KIF1B: variants seen among roughly 807,000 people sequenced by gnomAD.
KIF1B encodes the protein kinesin family member 1B, also known as kinesin-like protein KIF1B.
In KIF1B, 76 loss-of-function variants were observed where a neutral mutation model predicts 241.9. The observed-to-expected ratio is 0.31, with a 90% CI of 0.26 to 0.38. KIF1B has a LOEUF of 0.38. KIF1B is among the 10% of genes least tolerant of loss of function. The pLI, the probability that KIF1B is intolerant of heterozygous loss-of-function variation, is 1.00. For missense variants in KIF1B, 1,622 were observed against 2,271.4 expected (o/e 0.71, Z 5.81); for synonymous variants, 750 against 796.7 (o/e 0.94, Z 0.99).
chr1:10,225,895 A>C (rs962660958), intron 1 of KIF1B, among the ~76,000 whole-genome samples: 12 of 152,324 alleles, frequency 7.9e-5, no homozygotes, highest in African/African-American at 2.6e-4. Flanking sequence ...ACAGTGATAG[A>C]AATAGATCTG....
rs547995026 is a variant in KIF1B, at chr1:10,249,723, G to A, written c.107-6524G>A. Among the ~76,000 whole-genome samples the A allele has an allele frequency of 3.9e-5, 6 of 152,246 alleles. No individual in the cohort carries two copies. In the South Asian group the frequency reaches 1.2e-3, roughly 32 times the overall value. On this transcript the variant is annotated intron_variant, in intron 2 of 48. Transcript: ENST00000676179. ...TCGAGACCAGCTGGAGCAACCTAGG[G>A]AGACCCTGTCTCTACAAAAAAATAA...
At chr1:10,362,448 C>T (rs1638448137) in intron 40 of KIF1B, among the ~76,000 whole-genome samples, 1 of 150,058 alleles carries the variant, frequency 6.7e-6, no homozygotes, top group African/African-American at 2.5e-5. Flanking sequence ...TGCACTCCAG[C>T]CTGGGTGAAA....
At chr1:10,239,694 G>C (rs1218189456) in intron 2 of KIF1B, among the ~76,000 whole-genome samples, 1 of 152,042 alleles carries the variant, frequency 6.6e-6, no homozygotes, top group South Asian at 2.1e-4. Flanking sequence ...TGCAACCTCT[G>C]CCTCCCGGCT....
At chr1:10,284,718 C>T (rs191360726) in intron 15 of KIF1B, among the ~76,000 whole-genome samples, 10 of 151,484 alleles carry the variant, frequency 6.6e-5, no homozygotes, top group Admixed American at 6.6e-4. Context: ...AAAAATTAGC[C>T]GGCCATGGTG....
chr1:10,228,113 A>T (rs563550842), intron 1 of KIF1B, among the ~76,000 whole-genome samples: 1 of 152,034 alleles, frequency 6.6e-6, no homozygotes, highest in South Asian at 2.1e-4. Context: ...TGAATCCCGA[A>T]AAAGGAGGTT....
intron 24 of KIF1B, among the ~76,000 whole-genome samples, chr1:10,323,160 C>G (rs989033215): frequency 6.6e-6 from 1 of 152,002 alleles, no homozygotes; most frequent in African/African-American, 2.4e-5. Context: ...CCGTGCCCAG[C>G]CAAATAAATG....
intron 1 of KIF1B, among the ~76,000 whole-genome samples, chr1:10,223,689 G>C (rs1183842666): frequency 6.6e-6 from 1 of 151,804 alleles, no homozygotes; most frequent in Non-Finnish European, 1.5e-5. Context: ...TAGGACTACA[G>C]GCACGTGCCA....
At chr1:10,214,276 C>CTTCT (rs544003990) in intron 1 of KIF1B, among the ~76,000 whole-genome samples, 34 of 151,802 alleles carry the variant, frequency 2.2e-4, no homozygotes, top group African/African-American at 5.8e-4. Flanking sequence ...CACTTTACCA[C>CTTCT]TTCTTTCTTT....
At chr1:10,272,807 G>A (rs941953579) in intron 9 of KIF1B, among the ~76,000 whole-genome samples, 3 of 151,436 alleles carry the variant, frequency 2.0e-5, no homozygotes, top group African/African-American at 7.3e-5. Flanking sequence ...TAAATTAGGG[G>A]CTTTGTTGTC....
chr1:10,332,105 C>T (rs1651964533), intron 27 of KIF1B, among the ~76,000 whole-genome samples: 1 of 151,946 alleles, frequency 6.6e-6, no homozygotes. Context: ...GCTCTTGTCC[C>T]CCAGGCTGGA....
At chr1:10,355,115 T>A (rs779752387) in intron 38 of KIF1B, among the ~76,000 whole-genome samples, 1 of 152,212 alleles carries the variant, frequency 6.6e-6, no homozygotes, top group African/African-American at 2.4e-5. Flanking sequence ...GGGGTACTGA[T>A]GGTGGTGGTC....
intron 39 of KIF1B, 142 bp downstream of exon 39, chr1:10,361,185 C>T: frequency 2.8e-6 from 2 of 711,124 alleles, no homozygotes; most frequent in Non-Finnish European, 2.6e-6. Flanking sequence ...TTTTATTATA[C>T]ATTGCTAACT....
At chr1:10,357,608 C>T (rs1194033450) in intron 38 of KIF1B, among the ~76,000 whole-genome samples, 1 of 152,148 alleles carries the variant, frequency 6.6e-6, no homozygotes, top group Non-Finnish European at 1.5e-5. Flanking sequence ...TGGCTCGTGC[C>T]TATATTCCCA....
intron 1 of KIF1B, among the ~76,000 whole-genome samples, chr1:10,223,225 G>T (rs956429230): frequency 6.6e-6 from 1 of 151,996 alleles, no homozygotes; most frequent in Non-Finnish European, 1.5e-5. Flanking sequence ...ACTTCATCTA[G>T]CCTGGGTGAC....
At chr1:10,338,101 A>G (rs147498915) in intron 31 of KIF1B, among the ~76,000 whole-genome samples, 2,016 of 152,068 alleles carry the variant, frequency 0.013, 20 homozygotes, top group Non-Finnish European at 0.02. Flanking sequence ...CCAGGAAAAC[A>G]TTTTTTTGTG....
At chr1:10,236,017 A>G (rs193221056) in intron 2 of KIF1B, among the ~76,000 whole-genome samples, 1 of 152,054 alleles carries the variant, frequency 6.6e-6, no homozygotes, top group African/African-American at 2.4e-5. Flanking sequence ...TCAAGCCTCT[A>G]ATCCCAGCAC....
chr1:10,304,565 G>A (rs776976329), intron 22 of KIF1B: 1 of 1,614,148 alleles, frequency 6.2e-7, no homozygotes, highest in Non-Finnish European at 8.5e-7. Context: ...CCCAGCCACT[G>A]TAGCCAGTTT....
intron 2 of KIF1B, among the ~76,000 whole-genome samples, chr1:10,250,847 G>T (rs1038905198): frequency 6.6e-6 from 1 of 151,598 alleles, no homozygotes; most frequent in African/African-American, 2.4e-5. Context: ...TGGATTAGTT[G>T]TTGATAGAAG....
At chr1:10,342,396 T>A (rs1652430507) in intron 33 of KIF1B, among the ~76,000 whole-genome samples, 2 of 152,186 alleles carry the variant, frequency 1.3e-5, no homozygotes, top group Non-Finnish European at 2.9e-5. Context: ...CATCTTTTTG[T>A]AGGAAGAGAC....
Sources: gnomAD v4.1 joint callset for allele counts (sites outside exome capture counted in the v4.1 genomes callset) on GRCh38, gnomAD v4.1.1 for gene constraint, MANE v1.5 for transcripts, NCBI Gene and HGNC (gene_info 2026-07-23, HGNC 2026-07-21) for gene names.